Variants in CDH2 observed in about 807,000 individuals in gnomAD.
CDH2 encodes the protein cadherin-2.
CDH2 carries 17 observed loss-of-function variants against 92.0 expected under a neutral mutation model. The ratio of observed to expected loss-of-function variants is 0.18; its 90% CI spans 0.13 to 0.28. The LOEUF is 0.28. Ranked by LOEUF, CDH2 falls within the 10% of genes least tolerant of loss-of-function variation. The pLI is 1.00. For synonymous variants in CDH2, 419 were observed against 415.9 expected, an observed-to-expected ratio of 1.01 and a Z score of -0.09; for missense variants, 862 against 1,133.1, an observed-to-expected ratio of 0.76 and a Z score of 3.44.
At position 28,038,422 on chromosome 18, in the gene CDH2, AGTGTGTGTGT is replaced by A. The variant is rs57601293; in HGVS notation, c.173-24523_173-24514del. ...TGGGTGACAGTGAGACCTTGTCTCA[AGTGTGTGTGT>A]GTGTGTGTGTGTGTGTGTGTGTGTG... On this transcript the variant is annotated intron_variant, in intron 2 of 15. Transcript: ENST00000269141. Among the ~76,000 whole-genome samples the A allele has an allele frequency of 3.0e-3, 424 of 142,362 alleles. 4 individuals carry two copies. The highest frequency in any genetic ancestry group is 8.5e-3 in the African/African-American group (327 of 38,486). The allele number at this position is 142,362 out of a possible 152,430, so 93.4% of individuals were successfully genotyped here.
At chr18:28,019,774 T>C (rs1374614529) in intron 2 of CDH2, among the ~76,000 whole-genome samples, 1 of 152,158 alleles carries the variant, frequency 6.6e-6, no homozygotes, top group Non-Finnish European at 1.5e-5. Context: ...CTAATTCTCA[T>C]TTGCTCAAAT....
Position 27,963,357 on chromosome 18 carries a change from C to T in CDH2, c.2514G>A (p.Glu838=). The T allele has an allele frequency of 6.2e-7, 1 of 1,613,872 alleles. No homozygotes were observed. Residue 838 remains glutamate, a splice_region_variant and synonymous_variant, in exon 15 of 16, where the codon GAG becomes GAA. Transcript: ENST00000269141. The part of the protein sequence containing the change: ...HPGDIGDFIN[E]GLKAADNDPT... ...AGAGAAAACGAGTGTCTCTCTGTAC[C>T]TCATTAATGAAGTCCCCAATGTCTC...
intron 2 of CDH2, among the ~76,000 whole-genome samples, chr18:28,037,697 T>C (rs2013863132): frequency 6.6e-6 from 1 of 152,110 alleles, no homozygotes; most frequent in Admixed American, 6.6e-5. Flanking sequence ...GTAAATTGGA[T>C]ATGGGCAAAC....
chr18:28,060,927 T>A (rs1036707198), intron 2 of CDH2, among the ~76,000 whole-genome samples: 2 of 152,186 alleles, frequency 1.3e-5, no homozygotes, highest in African/African-American at 4.8e-5. Context: ...AATAAATCAT[T>A]TTGCTACTTC....
chr18:28,124,484 C>T (rs190742114), intron 2 of CDH2, among the ~76,000 whole-genome samples: 3 of 152,164 alleles, frequency 2.0e-5, no homozygotes, highest in East Asian at 1.9e-4. Context: ...ACATTCAAAG[C>T]GTTCTCAATT....
At chr18:28,132,959 G>A (rs566981846) in intron 2 of CDH2, among the ~76,000 whole-genome samples, 23 of 152,232 alleles carry the variant, frequency 1.5e-4, no homozygotes, top group Middle Eastern at 3.4e-3. Flanking sequence ...GATTTGGGGG[G>A]AGTATTCTCC....
At chr18:27,968,778 T>G (rs2011587962) in intron 14 of CDH2, among the ~76,000 whole-genome samples, 1 of 152,068 alleles carries the variant, frequency 6.6e-6, no homozygotes, top group Non-Finnish European at 1.5e-5. Flanking sequence ...GTTTCAAGAC[T>G]GAGTGACTGA....
At chr18:28,068,531 A>AT (rs1438086098) in intron 2 of CDH2, among the ~76,000 whole-genome samples, 1 of 152,226 alleles carries the variant, frequency 6.6e-6, no homozygotes, top group Non-Finnish European at 1.5e-5. Context: ...ACAAATTAAA[A>AT]ATAAACTGAA....
In CDH2 at chr18:27,941,062, G is replaced by A. The variant is rs546767659; in HGVS notation, c.1152-7938C>T. Among the ~76,000 whole-genome samples, 127 of 141,682 alleles carry A rather than the reference G, an allele frequency of 9.0e-4. No homozygotes were observed. In the Admixed American group the frequency reaches 9.2e-3, roughly 10 times the overall value. 92.9% of individuals were successfully genotyped at this position (141,682 alleles called of 152,430 possible). ...TTTTTTTTTTTTTTTTTGAGAAGGA[G>A]TCTCGCTCTGTCGCCCAGGCTGGAG... On this transcript the variant is annotated intron_variant, in intron 6 of 6. Coordinates refer to the CDH2 transcript ENST00000675173.
intron 2 of CDH2, among the ~76,000 whole-genome samples, chr18:28,125,396 T>C (rs573578374): frequency 5.9e-5 from 9 of 152,022 alleles, no homozygotes; most frequent in Non-Finnish European, 8.8e-5. Flanking sequence ...CAAAGGCAGA[T>C]AGGAGATGGA....
chr18:27,953,326 C>T (rs1395040685), intron 15 of CDH2, among the ~76,000 whole-genome samples: 1 of 152,122 alleles, frequency 6.6e-6, no homozygotes, highest in Non-Finnish European at 1.5e-5. Context: ...AGTCTCTATG[C>T]TCTGCAAAAC....
At chr18:28,126,933 G>T (rs17494843) in intron 2 of CDH2, among the ~76,000 whole-genome samples, 1,751 of 152,214 alleles carry the variant, frequency 0.012, 43 homozygotes, top group African/African-American at 0.04. Flanking sequence ...ATAAGGAAGC[G>T]TTCCATGTGA....
Position 27,952,196 on chromosome 18 carries a change from C to T in CDH2, c.2678G>A (p.Arg893Gln), listed in dbSNP as rs201294768. 6.8e-6 allele frequency: 11 copies of T among 1,613,646 alleles called. No individual in the cohort carries two copies. Among genetic ancestry groups the T allele is most frequent in the East Asian group, 6.7e-5 (3 of 44,866 alleles). ...DYDYLNDWGP[R>Q]FKKLADMYGG... is the part of the protein sequence containing the mutation. ...ATACATGTCAGCAAGTTTCTTGAAC[C>T]GTGGCCCCCAGTCGTTCAGGTAATC... is the stretch of plus-strand genomic sequence containing the variant. Residue 893 changes from arginine to glutamine, a missense_variant, in exon 16 of 16, where the codon CGG (arginine) becomes CAG (glutamine). Around this residue, in one of 5 missense-constraint regions of CDH2, gnomAD observed 114 missense variants for 144.8 expected, o/e 0.79. Transcript: ENST00000269141.
chr18:28,028,440 T>C (rs902291757), intron 2 of CDH2, among the ~76,000 whole-genome samples: 9 of 152,160 alleles, frequency 5.9e-5, no homozygotes, highest in Non-Finnish European at 1.3e-4. Flanking sequence ...GCTATTAAAC[T>C]ACTAAACCCC....
chr18:27,984,490 T>C (rs957790922), intron 13 of CDH2, among the ~76,000 whole-genome samples: 4 of 152,228 alleles, frequency 2.6e-5, no homozygotes, highest in Non-Finnish European at 5.9e-5. Context: ...TATTATCAAA[T>C]GTCCTGTATG....
At chr18:28,030,286 A>G (rs565234246) in intron 2 of CDH2, among the ~76,000 whole-genome samples, 2 of 152,172 alleles carry the variant, frequency 1.3e-5, no homozygotes, top group East Asian at 1.9e-4. Flanking sequence ...ACACGCACCT[A>G]AACAGGAATA....
At chr18:28,079,826 T>A (rs144201990) in intron 2 of CDH2, among the ~76,000 whole-genome samples, 4 of 152,268 alleles carry the variant, frequency 2.6e-5, no homozygotes, top group Non-Finnish European at 5.9e-5. Context: ...CCACCCCCCC[T>A]CAGAAAACGT....
chr18:28,102,215 A>G (rs1449639639), intron 2 of CDH2, among the ~76,000 whole-genome samples: 1 of 152,112 alleles, frequency 6.6e-6, no homozygotes, highest in Non-Finnish European at 1.5e-5. Context: ...CCCAAAAATC[A>G]TGAGTTAATT....
chr18:27,985,289 A>C (rs1812230975), intron 12 of CDH2, 56 bp from the exon 13 acceptor site: 1 of 1,015,228 alleles, frequency 9.9e-7, no homozygotes, highest in African/African-American at 1.6e-5. Flanking sequence ...CGATAAAAAA[A>C]CACATAGCAT....
Sources: allele counts gnomAD v4.1 joint callset (sites outside exome capture counted in the v4.1 genomes callset), GRCh38; gene constraint gnomAD v4.1.1; regional missense constraint gnomAD v4.1.1; transcripts MANE v1.5; gene names NCBI Gene and HGNC (gene_info 2026-07-23, HGNC 2026-07-21).